The following BRIP1 variants were observed in gnomAD, a reference collection of about 807,000 sequenced individuals.
The protein encoded by BRIP1 is BRCA1 interacting DNA helicase 1.
BRIP1 carries 88 observed loss-of-function variants against 119.7 expected under a neutral mutation model. The observed-to-expected ratio is 0.74, with a 90% confidence interval of 0.62 to 0.88. BRIP1 has a LOEUF of 0.88. BRIP1 is among the 40% of genes least tolerant of loss of function. The probability of loss-of-function intolerance (pLI) is 0.00; values close to 1 mark genes in which losing one functional copy is unlikely to be tolerated. For synonymous variants in BRIP1, 443 were observed against 496.5 expected (o/e 0.89, Z 1.43); for missense variants, 1,259 against 1,455.4 (o/e 0.87, Z 2.20).
rs889548980 is a variant in BRIP1, at chr17:61,736,088, G to C, written c.2379+6925C>G. Among the ~76,000 whole-genome samples, 1 of 152,116 alleles carries C rather than the reference G, an allele frequency of 6.6e-6. No individual in the cohort carries two copies. Among genetic ancestry groups the C allele is most frequent in the African/African-American group, 2.4e-5 (1 of 41,436 alleles). On this transcript the variant is annotated intron_variant, in intron 16 of 19. Transcript: ENST00000259008. This position sits in a 1 kb window ranked among gnomAD's most constrained non-coding sequence, Gnocchi z 4.4. ...CACCTATAATCCCAGCACTTTGGGA[G>C]GCTGAGGTCTGAGCATCCCTTAAGG...
At position 61,810,261 on chromosome 17, in the gene BRIP1, G is replaced by A. The variant is rs935201630; in HGVS notation, c.628-1504C>T. On this transcript the variant is annotated intron_variant, in intron 6 of 19. Coordinates refer to ENST00000259008, the MANE Select transcript of BRIP1 (RefSeq NM_032043.3). The surrounding 1 kb of genome is among the most constrained non-coding windows in gnomAD (Gnocchi z 4.7). ...GATAAAAAGAAGAGTTATGAATGGG[G>A]CTCTTGTCAACAGTGAGGCAGGAAA... is the stretch of plus-strand genomic sequence containing the variant. Among the ~76,000 whole-genome samples the A allele has an allele frequency of 6.6e-6, 1 of 152,114 alleles. No homozygotes were observed. Among genetic ancestry groups the A allele is most frequent in the Admixed American group, 6.6e-5 (1 of 15,266 alleles).
chr17:61,685,900 C>T lies in BRIP1; in HGVS notation c.2841G>A (p.Gln947=), dbSNP rs786201414. 3.7e-6 allele frequency: 6 copies of T among 1,613,904 alleles called. No homozygotes were observed. Among genetic ancestry groups the T allele is most frequent in the South Asian group, 1.1e-5 (1 of 91,074 alleles). The change falls in exon 19 of 20, where the codon CAG becomes CAA. Residue 947 remains glutamine, a synonymous_variant. Coordinates refer to ENST00000259008, the MANE Select transcript of BRIP1 (RefSeq NM_032043.3). ...AATTTTTGGTAATAATTTTAGGACA[C>T]TGTAGTTCCTGGACACATATCTTTG... ...DEAKICVQEL[Q]CPKIITKNSP... is the part of the protein sequence containing the mutation.
chr17:61,749,429 C>T (rs922848946), intron 14 of BRIP1, among the ~76,000 whole-genome samples: 1 of 151,398 alleles, frequency 6.6e-6, no homozygotes, highest in Non-Finnish European at 1.5e-5. Context: ...AATTGAAAAA[C>T]AGGCAAAGGA....
chr17:61,786,645 TTTAA>T (rs1159867789), intron 10 of BRIP1, among the ~76,000 whole-genome samples: 2 of 145,626 alleles, frequency 1.4e-5, no homozygotes, highest in Non-Finnish European at 3.0e-5. Flanking sequence ...AATTTTTTAA[TTTAA>T]TTAACTGAAT....
At chr17:61,723,690 C>CA (rs934842512) in intron 16 of BRIP1, among the ~76,000 whole-genome samples, 2 of 152,138 alleles carry the variant, frequency 1.3e-5, no homozygotes, top group Admixed American at 1.3e-4. Context: ...TTTTACAAGC[C>CA]TTTCCCAAAA....
At position 61,720,166 on chromosome 17, in the gene BRIP1, T is replaced by G. The variant is rs1302764996; in HGVS notation, c.2380-4103A>C. Among the ~76,000 whole-genome samples the G allele has an allele frequency of 6.6e-6, 1 of 152,158 alleles. No individual in the cohort carries two copies. Among genetic ancestry groups the G allele is most frequent in the African/African-American group, 2.4e-5 (1 of 41,434 alleles). ...TTGTTAAAGGATATAAAGTTACAGC[T>G]AGATAGAAGGAATAAGTTCTAATCT... On this transcript the variant is annotated intron_variant, in intron 16 of 19. Coordinates refer to ENST00000259008, the MANE Select transcript of BRIP1 (RefSeq NM_032043.3). The surrounding 1 kb of genome is among the most constrained non-coding windows in gnomAD (Gnocchi z 4.3).
chr17:61,744,708 A>AT lies in BRIP1; in HGVS notation c.2098-118dup. On this transcript the variant is annotated intron_variant, in intron 14 of 19. Coordinates refer to ENST00000259008, the MANE Select transcript of BRIP1 (RefSeq NM_032043.3). The surrounding 1 kb of genome is among the most constrained non-coding windows in gnomAD (Gnocchi z 5.0). ...TATTAATCTCTCTGTGTCTTTTCTC[A>AT]TTTATAAAATGAGGAAAACAATATA... 1.1e-6 allele frequency: 1 copy of AT among 930,320 alleles called. No homozygotes were observed. The highest frequency in any genetic ancestry group is 1.7e-6 in the Non-Finnish European group (1 of 586,196). The allele number at this position is 930,320 out of a possible 1,614,324, so 57.6% of individuals were successfully genotyped here. A position where few individuals can be genotyped will look rare whatever the true frequency, so the allele number is the denominator to read the frequency against.
rs1478276017 is a variant in BRIP1 at position 61,755,162 on chromosome 17, T to G, written c.2098-10571A>C. Among the ~76,000 whole-genome samples, 1 of 152,172 alleles carries G rather than the reference T, an allele frequency of 6.6e-6. No homozygotes were observed. Among genetic ancestry groups the G allele is most frequent in the African/African-American group, 2.4e-5 (1 of 41,452 alleles). On this transcript the variant is annotated intron_variant, in intron 14 of 19. Transcript: ENST00000259008. The surrounding 1 kb of genome is among the most constrained non-coding windows in gnomAD (Gnocchi z 4.5). ...GTCAGTAAATACTTTTTGAATGAATTTTATAAATGAATGAAAAATGAAGGT... is the reference window on the plus strand; with the variant it reads ...GTCAGTAAATACTTTTTGAATGAATGTTATAAATGAATGAAAAATGAAGGT...
At position 61,793,918 on chromosome 17, in the gene BRIP1, A is replaced by G. The variant is rs1283271653; in HGVS notation, c.1341-189T>C. 6.6e-6 allele frequency among the ~76,000 whole-genome samples: 1 copy of G among 152,190 alleles called. No homozygotes were observed. Among genetic ancestry groups the G allele is most frequent in the African/African-American group, 2.4e-5 (1 of 41,470 alleles). On this transcript the variant is annotated intron_variant, in intron 9 of 19. Transcript: ENST00000259008. This position sits in a 1 kb window ranked among gnomAD's most constrained non-coding sequence, Gnocchi z 5.2. Reference sequence around the variant, plus strand: ...TCTCATATTGCAAAATAAACTTTATATAACTGAAAAGAAAGCTTTTATTCA... The same window carrying G: ...TCTCATATTGCAAAATAAACTTTATGTAACTGAAAAGAAAGCTTTTATTCA...
chr17:61,679,934 G>A lies in BRIP1; in HGVS notation c.*3362C>T, dbSNP rs2061251854. Among the ~76,000 whole-genome samples the A allele has an allele frequency of 6.6e-6, 1 of 152,076 alleles. No individual in the cohort carries two copies. The highest frequency in any genetic ancestry group is 1.5e-5 in the Non-Finnish European group (1 of 68,000). ...ACCTGTTTCAACAGTGATTATCATT[G>A]TATAAAATTTTTGAAACACCTTTTG... On this transcript the variant is annotated 3_prime_UTR_variant, in exon 20 of 20. Coordinates refer to ENST00000259008, the MANE Select transcript of BRIP1 (RefSeq NM_032043.3). The surrounding 1 kb of genome is among the most constrained non-coding windows in gnomAD (Gnocchi z 4.4).
At chr17:61,737,070 A>C (rs549642121) in intron 16 of BRIP1, among the ~76,000 whole-genome samples, 11 of 152,292 alleles carry the variant, frequency 7.2e-5, no homozygotes, top group Admixed American at 1.3e-4. Context: ...AATACTAAAA[A>C]CCAAAAAATA....
At chr17:61,790,938 T>C (rs1164685228) in intron 10 of BRIP1, among the ~76,000 whole-genome samples, 1 of 152,142 alleles carries the variant, frequency 6.6e-6, no homozygotes, top group Non-Finnish European at 1.5e-5. Flanking sequence ...ATTTTACTGT[T>C]ATATAAGTAG....
At chr17:61,817,385 G>A (rs754238212) in intron 6 of BRIP1, among the ~76,000 whole-genome samples, 33 of 152,106 alleles carry the variant, frequency 2.2e-4, no homozygotes, top group Admixed American at 8.5e-4. Flanking sequence ...CTCCTTTATG[G>A]TATTTTTCAA....
At position 61,784,448 on chromosome 17, in the gene BRIP1, T is replaced by C. The variant is rs774106451; in HGVS notation, c.1474-24A>G. 4 of 1,601,108 alleles carry C rather than the reference T, an allele frequency of 2.5e-6. No homozygotes were observed. The African/African-American group carries it at 4.0e-5, about 16-fold the overall frequency. ...CCCTATAAGAAATTACCATATTAAGTATAGAGGGGTTGGGAGGGAATTGGA... is the reference window on the plus strand; with the variant it reads ...CCCTATAAGAAATTACCATATTAAGCATAGAGGGGTTGGGAGGGAATTGGA... On this transcript the variant is annotated intron_variant, in intron 10 of 19. Transcript: ENST00000259008.
rs1400663572 is a variant in BRIP1, at chr17:61,684,715, T to G, written c.2906-575A>C. On this transcript the variant is annotated intron_variant, in intron 19 of 19. Transcript: ENST00000259008. The surrounding 1 kb of genome is among the most constrained non-coding windows in gnomAD (Gnocchi z 4.5). ...TATATACAAAATTGTATTACTATTT[T>G]GTAGTACTTATATACTACAAAATAC... 2 of 152,300 alleles carry G rather than the reference T, an allele frequency of 1.3e-5. No homozygotes were observed. Among genetic ancestry groups the G allele is most frequent in the African/African-American group, 4.8e-5 (2 of 41,442 alleles). 9.4% of individuals were successfully genotyped at this position (152,300 alleles called of 1,614,324 possible). A position where few individuals can be genotyped will look rare whatever the true frequency, so the allele number is the denominator to read the frequency against.
rs192177728 is a variant in BRIP1 at position 61,824,485 on chromosome 17, T to C, written c.628-15728A>G. 3.9e-5 allele frequency among the ~76,000 whole-genome samples: 6 copies of C among 152,212 alleles called. No individual in the cohort carries two copies. Among genetic ancestry groups the C allele is most frequent in the Admixed American group, 6.5e-5 (1 of 15,296 alleles). On this transcript the variant is annotated intron_variant, in intron 6 of 19. Transcript: ENST00000259008. The surrounding 1 kb of genome is among the most constrained non-coding windows in gnomAD (Gnocchi z 4.3). ...AGAAATATAGACCAATGGAACAGAA[T>C]AGAAATTCCAAAAGCAAACCCCCAC...
rs1022852463 is a variant in BRIP1 at position 61,795,627 on chromosome 17, A to T, written c.1341-1898T>A. ...GAATGGTACTCCATTGTGTATATGT[A>T]ACCACATTTTCTTTATCCATTCATC... On this transcript the variant is annotated intron_variant, in intron 9 of 19. Coordinates refer to ENST00000259008, the MANE Select transcript of BRIP1 (RefSeq NM_032043.3). This position sits in a 1 kb window ranked among gnomAD's most constrained non-coding sequence, Gnocchi z 5.6. Among the ~76,000 whole-genome samples the T allele has an allele frequency of 2.0e-5, 3 of 152,064 alleles. No homozygotes were observed. Among genetic ancestry groups the T allele is most frequent in the Non-Finnish European group, 2.9e-5 (2 of 67,954 alleles).
At chr17:61,826,057 A>G (rs2078402003) in intron 6 of BRIP1, among the ~76,000 whole-genome samples, 1 of 152,222 alleles carries the variant, frequency 6.6e-6, no homozygotes, top group African/African-American at 2.4e-5. Flanking sequence ...AAACAGATAC[A>G]TAGACCAATG....
Position 61,831,794 on chromosome 17 carries a change from C to G in BRIP1, c.627+15307G>C, listed in dbSNP as rs2078496471. 6.6e-6 allele frequency among the ~76,000 whole-genome samples: 1 copy of G among 152,002 alleles called. No homozygotes were observed. The highest frequency in any genetic ancestry group is 1.5e-5 in the Non-Finnish European group (1 of 68,018). On this transcript the variant is annotated intron_variant, in intron 6 of 19. Coordinates refer to ENST00000259008, the MANE Select transcript of BRIP1 (RefSeq NM_032043.3). This position sits in a 1 kb window ranked among gnomAD's most constrained non-coding sequence, Gnocchi z 4.1. ...ATATGGTAATTCTGTTTTTAACTTTCAGAGGAATCAGGAACAAGGTTTTTC... is the reference window on the plus strand; with the variant it reads ...ATATGGTAATTCTGTTTTTAACTTTGAGAGGAATCAGGAACAAGGTTTTTC...
Sources: gnomAD v4.1 joint callset for allele counts (sites outside exome capture counted in the v4.1 genomes callset) on GRCh38, gnomAD v4.1.1 for gene constraint, Gnocchi (gnomAD v3.1) non-coding constraint, MANE v1.5 for transcripts, NCBI Gene and HGNC (gene_info 2026-07-23, HGNC 2026-07-21) for gene names.